The following PKN2 variants were observed in gnomAD, a reference collection of about 807,000 sequenced individuals.
PKN2 encodes the protein protein kinase N2.
A neutral mutation model predicts 119.1 loss-of-function variants in PKN2; 38 were observed. That is an observed-to-expected ratio of 0.32 (90% CI 0.25 to 0.42). The LOEUF (loss-of-function observed/expected upper bound fraction) is 0.42. Ranked by LOEUF, PKN2 falls within the 10% of genes least tolerant of loss-of-function variation. The pLI is 1.00. For synonymous variants in PKN2, 390 were observed against 384.9 expected, an observed-to-expected ratio of 1.01 and a Z score of -0.15; for missense variants, 850 against 1,165.1, an observed-to-expected ratio of 0.73 and a Z score of 3.94.
intron 1 of PKN2, among the ~76,000 whole-genome samples, chr1:88,704,423 A>G (rs987864168): frequency 2.0e-5 from 3 of 152,172 alleles, no homozygotes; most frequent in African/African-American, 7.2e-5. Flanking sequence ...ACCAGGTTTG[A>G]GATATTACAA....
At chr1:88,735,927 ATT>A (rs1668330532) in intron 1 of PKN2, among the ~76,000 whole-genome samples, 2 of 151,926 alleles carry the variant, frequency 1.3e-5, no homozygotes, top group African/African-American at 4.8e-5. Context: ...CTTTCTTCCC[ATT>A]TGTCATTCTC....
intron 6 of PKN2, among the ~76,000 whole-genome samples, chr1:88,773,264 C>T (rs557325019): frequency 4.0e-5 from 6 of 151,470 alleles, no homozygotes; most frequent in South Asian, 2.1e-4. Flanking sequence ...GACAGAGTCT[C>T]ACTCTCATTG....
intron 3 of PKN2, among the ~76,000 whole-genome samples, chr1:88,765,282 CAAAAA>C (rs60307008): frequency 7.8e-6 from 1 of 128,280 alleles, no homozygotes; most frequent in Non-Finnish European, 1.7e-5. Context: ...GACTTCATCT[CAAAAA>C]AAAAAAAAAA....
At chr1:88,829,106 A>T in intron 19 of PKN2, 1 of 720,374 alleles carries the variant, frequency 1.4e-6, no homozygotes, top group Non-Finnish European at 2.6e-6. Context: ...AACAAAATGG[A>T]TGGAGAGAGG....
intron 15 of PKN2, among the ~76,000 whole-genome samples, chr1:88,812,718 ACAG>A (rs1372114757): frequency 2.0e-5 from 3 of 152,158 alleles, no homozygotes; most frequent in Non-Finnish European, 4.4e-5. Flanking sequence ...CTCCTGAAAG[ACAG>A]AGCAAGATCC....
At chr1:88,729,989 C>T (rs1001951558) in intron 1 of PKN2, among the ~76,000 whole-genome samples, 2 of 151,952 alleles carry the variant, frequency 1.3e-5, no homozygotes, top group African/African-American at 4.8e-5. Context: ...ACAGTGAAAC[C>T]CCGTCTCTAC....
intron 2 of PKN2, among the ~76,000 whole-genome samples, chr1:88,758,328 T>G (rs900364306): frequency 6.6e-6 from 1 of 152,142 alleles, no homozygotes; most frequent in Non-Finnish European, 1.5e-5. Flanking sequence ...TTTGAAAATA[T>G]TCCCATTCCT....
chr1:88,804,221 A>G (rs778538859), intron 8 of PKN2, among the ~76,000 whole-genome samples, 170 bp from the exon 9 acceptor site: 2 of 152,204 alleles, frequency 1.3e-5, no homozygotes, highest in African/African-American at 4.8e-5. Context: ...AGTTTGATAA[A>G]GTACTATACA....
intron 1 of PKN2, among the ~76,000 whole-genome samples, chr1:88,711,881 T>C (rs1667246881): frequency 6.6e-6 from 1 of 152,166 alleles, no homozygotes; most frequent in Non-Finnish European, 1.5e-5. Flanking sequence ...TATAAACATA[T>C]ATGATTGGAT....
intron 1 of PKN2, among the ~76,000 whole-genome samples, chr1:88,717,612 G>A (rs943733923): frequency 2.6e-4 from 40 of 151,784 alleles, no homozygotes; most frequent in African/African-American, 8.2e-4. Context: ...CATGCGTCAC[G>A]TAGTTCTCAT....
chr1:88,704,714 A>C (rs1440950484), intron 1 of PKN2, among the ~76,000 whole-genome samples: 1 of 150,740 alleles, frequency 6.6e-6, no homozygotes, highest in Non-Finnish European at 1.5e-5. Flanking sequence ...CTGGGAGGTC[A>C]AGGTTGTAGT....
At chr1:88,772,278 A>G (rs999274474) in intron 6 of PKN2, among the ~76,000 whole-genome samples, 4 of 152,214 alleles carry the variant, frequency 2.6e-5, no homozygotes, top group Non-Finnish European at 5.9e-5. Context: ...TTTACTTAGC[A>G]TATTGTTGTC....
chr1:88,700,652 G>A (rs953305707), intron 1 of PKN2, among the ~76,000 whole-genome samples: 1 of 152,114 alleles, frequency 6.6e-6, no homozygotes, highest in Non-Finnish European at 1.5e-5. Context: ...GAACCTAAGC[G>A]TAAAAAAGGA....
At chr1:88,804,804 A>T (rs1192823282) in intron 9 of PKN2, 42 bp from the exon 10 acceptor site, 1 of 1,069,584 alleles carries the variant, frequency 9.3e-7, no homozygotes, top group Non-Finnish European at 1.4e-6. Flanking sequence ...GATTTCATGA[A>T]CCATGCTATT....
chr1:88,720,745 G>C lies in PKN2; in HGVS notation c.49-20243G>C, dbSNP rs530543869. 1.2e-4 allele frequency among the ~76,000 whole-genome samples: 19 copies of C among 152,228 alleles called. No individual in the cohort carries two copies. The South Asian group carries it at 3.5e-3, about 28-fold the overall frequency. ...ACCCATCACCAGAGCAGTGTACACT[G>C]TACCCAGTGTATGTCTTCTGTCCCT... On this transcript the variant is annotated intron_variant, in intron 1 of 21. Transcript: ENST00000370521.
chr1:88,752,003 T>C (rs191397039), intron 2 of PKN2, among the ~76,000 whole-genome samples: 5 of 152,272 alleles, frequency 3.3e-5, no homozygotes, highest in African/African-American at 9.6e-5. Context: ...ACTTGGAGTA[T>C]AATGGCGTAG....
chr1:88,690,030 C>T (rs1335229055), intron 1 of PKN2, among the ~76,000 whole-genome samples: 2 of 152,186 alleles, frequency 1.3e-5, no homozygotes, highest in Non-Finnish European at 2.9e-5. Flanking sequence ...AGATAAAAGT[C>T]TGTGTTAAAA....
intron 16 of PKN2, among the ~76,000 whole-genome samples, chr1:88,817,690 C>T (rs1672058477): frequency 7.1e-6 from 1 of 140,618 alleles, no homozygotes; most frequent in Admixed American, 7.4e-5. Context: ...GTCTGGGCGA[C>T]AAAGCGAGAC....
chr1:88,773,033 TCCTTTA>T (rs1669955945), intron 6 of PKN2, among the ~76,000 whole-genome samples: 2 of 152,190 alleles, frequency 1.3e-5, no homozygotes, highest in South Asian at 2.1e-4. Flanking sequence ...ACGGATTGAC[TCCTTTA>T]CCTTTACCTT....
Sources: gnomAD v4.1 joint callset for allele counts (sites outside exome capture counted in the v4.1 genomes callset) on GRCh38, gnomAD v4.1.1 for gene constraint, MANE v1.5 for transcripts, NCBI Gene and HGNC (gene_info 2026-07-23, HGNC 2026-07-21) for gene names.